The following YTHDC2 variants were observed in gnomAD, a reference collection of about 807,000 sequenced individuals.
YTHDC2 encodes YTH N6-methyladenosine RNA binding protein C2.
YTHDC2 carries 45 observed loss-of-function variants against 174.9 expected under a neutral mutation model. That is an observed-to-expected ratio of 0.26 (90% CI 0.20 to 0.33). The LOEUF is 0.33. Among genes scored for constraint, YTHDC2 ranks in the 10% least tolerant of loss-of-function variants. The probability of loss-of-function intolerance (pLI) is 1.00; values close to 1 mark genes in which losing one functional copy is unlikely to be tolerated. For missense variants in YTHDC2, 1,650 were observed against 1,723.7 expected, an observed-to-expected ratio of 0.96 and a Z score of 0.76; for synonymous variants, 657 against 574.5, an observed-to-expected ratio of 1.14 and a Z score of -2.05.
chr5:113,543,027 A>G (rs1180078593), intron 10 of YTHDC2, among the ~76,000 whole-genome samples: 1 of 152,166 alleles, frequency 6.6e-6, no homozygotes, highest in African/African-American at 2.4e-5. Flanking sequence ...ACCTGTAAAT[A>G]TGAAATCTCC....
chr5:113,526,545 T>G (rs1165258734), intron 3 of YTHDC2, 41 bp from the exon 4 acceptor site: 2 of 1,512,534 alleles, frequency 1.3e-6, no homozygotes, highest in Admixed American at 2.0e-5. Flanking sequence ...TCTTTTTCCG[T>G]GTTGATCATA....
intron 3 of YTHDC2, among the ~76,000 whole-genome samples, chr5:113,525,524 T>A (rs1774154566): frequency 6.6e-6 from 1 of 152,034 alleles, no homozygotes; most frequent in African/African-American, 2.4e-5. Context: ...AAACTGAGGC[T>A]TAGAGGAATT....
At chr5:113,516,153 T>C (rs1773409175) in intron 2 of YTHDC2, among the ~76,000 whole-genome samples, 1 of 152,236 alleles carries the variant, frequency 6.6e-6, no homozygotes, top group East Asian at 1.9e-4. Context: ...GAAAAATATT[T>C]TTATTTTTTG....
chr5:113,585,089 C>T (rs1270030316), intron 26 of YTHDC2, among the ~76,000 whole-genome samples: 1 of 151,912 alleles, frequency 6.6e-6, no homozygotes, highest in Non-Finnish European at 1.5e-5. Context: ...CCTTTAGAAA[C>T]TTTTTTGCTA....
intron 7 of YTHDC2, among the ~76,000 whole-genome samples, chr5:113,536,994 T>C (rs958302456): frequency 6.6e-6 from 1 of 152,210 alleles, no homozygotes; most frequent in Admixed American, 6.5e-5. Flanking sequence ...ATTGATGTAC[T>C]ATATTTATTT....
intron 24 of YTHDC2, among the ~76,000 whole-genome samples, chr5:113,580,693 C>CG (rs1448467071): frequency 6.6e-6 from 1 of 152,210 alleles, no homozygotes; most frequent in African/African-American, 2.4e-5. Flanking sequence ...CAAAGTCAGT[C>CG]TGCTGTCTGG....
intron 10 of YTHDC2, among the ~76,000 whole-genome samples, chr5:113,544,885 C>T (rs1775750884): frequency 6.6e-6 from 1 of 152,070 alleles, no homozygotes; most frequent in Non-Finnish European, 1.5e-5. Context: ...CTACTCTTTA[C>T]TGGTATTAAT....
intron 26 of YTHDC2, among the ~76,000 whole-genome samples, chr5:113,586,594 A>G (rs540701278): frequency 6.6e-6 from 1 of 151,612 alleles, no homozygotes; most frequent in Non-Finnish European, 1.5e-5. Context: ...CAAACCCAAG[A>G]TCATAATTTT....
At chr5:113,566,446 C>CT (rs34372128) in intron 21 of YTHDC2, among the ~76,000 whole-genome samples, 5,566 of 122,412 alleles carry the variant, frequency 0.045, 471 homozygotes, top group African/African-American at 0.15. Context: ...TTGAAGTCAC[C>CT]TTTTTTTTTT....
At chr5:113,525,255 G>A (rs1471133947) in intron 3 of YTHDC2, 78 bp downstream of exon 3, 34 of 1,184,552 alleles carry the variant, frequency 2.9e-5, no homozygotes, top group Admixed American at 5.6e-5. Context: ...ATTTATTTTC[G>A]AAAACCAAGA....
In YTHDC2 at chr5:113,591,106, T is replaced by G. The variant is rs935480484; in HGVS notation, c.3891T>G (p.Asn1297Lys). 3.7e-6 allele frequency: 6 copies of G among 1,613,976 alleles called. No homozygotes were observed. The highest frequency in any genetic ancestry group is 5.1e-6 in the Non-Finnish European group (6 of 1,179,900). Residue 1297 changes from asparagine to lysine, a missense_variant, in exon 27 of 30, where the codon AAT (asparagine) becomes AAG (lysine). By Grantham distance (94) the Asn-to-Lys change is moderately conservative (BLOSUM62 0). Transcript: ENST00000161863. ...PVRYFIMKSS[N>K]LRNLEISQQK... ...GATACTTCATAATGAAGAGTAGCAA[T>G]TTGAGAAACCTTGAAATTTCTCAAC...
intron 7 of YTHDC2, among the ~76,000 whole-genome samples, chr5:113,536,524 C>CA (rs1368481257): frequency 2.8e-4 from 43 of 151,394 alleles, no homozygotes; most frequent in Non-Finnish European, 5.2e-4. Context: ...GACTCCGTCT[C>CA]AAAAAAAATA....
intron 16 of YTHDC2, among the ~76,000 whole-genome samples, chr5:113,555,751 T>A (rs1308420214): frequency 6.6e-6 from 1 of 152,198 alleles, no homozygotes; most frequent in Non-Finnish European, 1.5e-5. Flanking sequence ...CCAATCTTGA[T>A]GTCTTATGAG....
chr5:113,556,532 C>G (rs1776622719), intron 17 of YTHDC2, among the ~76,000 whole-genome samples: 1 of 152,112 alleles, frequency 6.6e-6, no homozygotes, highest in Admixed American at 6.5e-5. Context: ...ATATGCATGT[C>G]CTACTAATAC....
At position 113,545,897 on chromosome 5, in the gene YTHDC2, C is replaced by T. The variant is rs1465171100; in HGVS notation, c.1496-2644C>T. On this transcript the variant is annotated intron_variant, in intron 10 of 29. Coordinates refer to ENST00000161863, the MANE Select transcript of YTHDC2 (RefSeq NM_022828.5). ...CTGGGACTACAGGCGCCCGCCACTA[C>T]GCCCGGCTAATTTTTTGTATTTTTA... 2.6e-4 allele frequency among the ~76,000 whole-genome samples: 25 copies of T among 97,744 alleles called. 7 individuals carry two copies. Among genetic ancestry groups the T allele is most frequent in the Admixed American group, 5.4e-4 (5 of 9,220 alleles). The allele number at this position is 97,744 out of a possible 152,430, so 64.1% of individuals were successfully genotyped here.
chr5:113,538,087 C>T (rs1775205483), intron 7 of YTHDC2, among the ~76,000 whole-genome samples: 1 of 152,132 alleles, frequency 6.6e-6, no homozygotes, highest in African/African-American at 2.4e-5. Context: ...ATATTTGACA[C>T]TTTATTTTTT....
At chr5:113,578,555 T>A (rs1183304121) in intron 23 of YTHDC2, among the ~76,000 whole-genome samples, 1 of 152,194 alleles carries the variant, frequency 6.6e-6, no homozygotes, top group Non-Finnish European at 1.5e-5. Flanking sequence ...TAAGTGTGAT[T>A]TATTACATTG....
At chr5:113,581,850 GA>G in intron 25 of YTHDC2, 141 bp downstream of exon 25, 2 of 700,052 alleles carry the variant, frequency 2.9e-6, no homozygotes, top group Non-Finnish European at 4.1e-6. Context: ...CAATAAAGTG[GA>G]AAGAGTTTTC....
At chr5:113,525,840 T>C (rs1384532466) in intron 3 of YTHDC2, among the ~76,000 whole-genome samples, 4 of 152,164 alleles carry the variant, frequency 2.6e-5, no homozygotes, top group Non-Finnish European at 1.5e-5. Context: ...TTATTGTCTA[T>C]TGGAATAGAT....
Sources: allele counts gnomAD v4.1 joint callset (sites outside exome capture counted in the v4.1 genomes callset), GRCh38; gene constraint gnomAD v4.1.1; transcripts MANE v1.5; gene names NCBI Gene and HGNC (gene_info 2026-07-23, HGNC 2026-07-21).